Variants in HERC4 observed in about 807,000 individuals in gnomAD.
The protein encoded by HERC4 is HECT and RLD domain containing E3 ubiquitin protein ligase 4.
In HERC4, 28 loss-of-function variants were observed where a neutral mutation model predicts 124.3. The ratio of observed to expected loss-of-function variants is 0.23; its 90% CI spans 0.17 to 0.31. HERC4 has a LOEUF of 0.31. Among genes scored for constraint, HERC4 ranks in the 10% least tolerant of loss-of-function variants. The probability of loss-of-function intolerance (pLI) is 1.00; values close to 1 mark genes in which losing one functional copy is unlikely to be tolerated. For synonymous variants in HERC4, 407 were observed against 421.5 expected (o/e 0.97, Z 0.42); for missense variants, 713 against 1,229.3 (o/e 0.58, Z 6.28).
intron 16 of HERC4, chr10:67,959,150 G>A: frequency 1.3e-6 from 2 of 1,584,186 alleles, no homozygotes; most frequent in African/African-American, 1.4e-5. Context: ...AGACAGCAGT[G>A]CAGAATATAA....
chr10:67,948,980 G>A (rs1298678596), intron 19 of HERC4, among the ~76,000 whole-genome samples: 5 of 148,414 alleles, frequency 3.4e-5, no homozygotes, highest in Admixed American at 6.7e-5. Context: ...TTGGCCAGGC[G>A]CGGTGGCTCA....
intron 4 of HERC4, among the ~76,000 whole-genome samples, chr10:68,039,171 T>C (rs1320645629): frequency 1.4e-5 from 2 of 142,034 alleles, no homozygotes; most frequent in Admixed American, 6.9e-5. Flanking sequence ...AAAAAAAAAA[T>C]TAGCAGGTGT....
At chr10:68,034,441 T>A (rs1390677239) in intron 5 of HERC4, among the ~76,000 whole-genome samples, 1 of 152,170 alleles carries the variant, frequency 6.6e-6, no homozygotes, top group Non-Finnish European at 1.5e-5. Context: ...GTGAATCACA[T>A]AACAAGGAAT....
At chr10:67,934,603 C>T (rs1051020364) in intron 22 of HERC4, among the ~76,000 whole-genome samples, 1 of 151,872 alleles carries the variant, frequency 6.6e-6, no homozygotes, top group African/African-American at 2.4e-5. Context: ...AAAAAGGCAT[C>T]AGAAGTAAAC....
chr10:67,928,007 C>A (rs1213798019), intron 23 of HERC4, among the ~76,000 whole-genome samples: 4 of 152,032 alleles, frequency 2.6e-5, no homozygotes, highest in Non-Finnish European at 5.9e-5. Flanking sequence ...GATCAGTTAT[C>A]CAGGGAAGGT....
chr10:68,057,469 C>G (rs1419240005), intron 3 of HERC4, among the ~76,000 whole-genome samples: 3 of 151,642 alleles, frequency 2.0e-5, no homozygotes, highest in African/African-American at 7.3e-5. Flanking sequence ...GCTAAAAATA[C>G]AAAAATTAGC....
intron 15 of HERC4, among the ~76,000 whole-genome samples, chr10:67,973,861 A>G (rs761517354): frequency 6.6e-6 from 1 of 152,000 alleles, no homozygotes; most frequent in Non-Finnish European, 1.5e-5. Flanking sequence ...AGACCATTCA[A>G]CATGGTGAAA....
chr10:68,050,679 A>G (rs2040251002), intron 3 of HERC4, among the ~76,000 whole-genome samples: 1 of 152,100 alleles, frequency 6.6e-6, no homozygotes, highest in Non-Finnish European at 1.5e-5. Flanking sequence ...AAAGTTATCT[A>G]TTTTTTTCCA....
At chr10:67,946,410 C>T (rs1051061130) in intron 19 of HERC4, among the ~76,000 whole-genome samples, 4 of 144,928 alleles carry the variant, frequency 2.8e-5, no homozygotes, top group East Asian at 2.0e-4. Flanking sequence ...ACCCAATGAT[C>T]TGCTGCCTAG....
Position 68,013,306 on chromosome 10 carries a change from G to C in HERC4, c.1069+720C>G, listed in dbSNP as rs1051237466. On this transcript the variant is annotated intron_variant, in intron 9 of 24. Coordinates refer to ENST00000373700, the MANE Select transcript of HERC4 (RefSeq NM_015601.4). ...AAAATTTTGTGATTTGCTTTATTACGATATTTGCTTTATTGCACTATTTGC... is the reference window on the plus strand; with the variant it reads ...AAAATTTTGTGATTTGCTTTATTACCATATTTGCTTTATTGCACTATTTGC... Among the ~76,000 whole-genome samples the C allele has an allele frequency of 2.0e-5, 3 of 152,068 alleles. No individual in the cohort carries two copies. The East Asian group carries it at 5.8e-4, about 29-fold the overall frequency.
intron 16 of HERC4, among the ~76,000 whole-genome samples, chr10:67,963,229 T>A (rs538763514): frequency 7.3e-4 from 111 of 152,314 alleles, no homozygotes; most frequent in Non-Finnish European, 7.2e-4. Flanking sequence ...TATTTATTTA[T>A]TTTTTGAGAT....
intron 19 of HERC4, among the ~76,000 whole-genome samples, chr10:67,949,174 C>T (rs1325052735): frequency 6.6e-6 from 1 of 151,924 alleles, no homozygotes; most frequent in African/African-American, 2.4e-5. Context: ...GTCCCAGCTA[C>T]TTGGGAGGCT....
chr10:68,038,957 T>G (rs1372055174), intron 4 of HERC4, among the ~76,000 whole-genome samples: 1 of 152,034 alleles, frequency 6.6e-6, no homozygotes, highest in Non-Finnish European at 1.5e-5. Flanking sequence ...GTTCTTTCCC[T>G]TTGCCTGGTC....
chr10:67,956,495 C>T (rs1379673787), intron 17 of HERC4: 12 of 154,064 alleles, frequency 7.8e-5, no homozygotes, highest in South Asian at 2.0e-4. Context: ...CTTTTAACAT[C>T]TCTCACCTCT....
chr10:67,985,684 C>T (rs1041915720), intron 15 of HERC4, among the ~76,000 whole-genome samples: 5 of 152,210 alleles, frequency 3.3e-5, no homozygotes, highest in African/African-American at 9.6e-5. Context: ...TCGGAAACTA[C>T]TAAATAACCC....
intron 13 of HERC4, 30 bp from the exon 14 acceptor site, chr10:67,990,430 T>A: frequency 4.3e-6 from 5 of 1,163,542 alleles, no homozygotes; most frequent in Non-Finnish European, 5.7e-6. Flanking sequence ...AAAACCTACT[T>A]CATTTAAAAT....
chr10:68,035,419 G>A (rs1279575448), intron 5 of HERC4, among the ~76,000 whole-genome samples: 1 of 152,140 alleles, frequency 6.6e-6, no homozygotes, highest in African/African-American at 2.4e-5. Flanking sequence ...GCCTCCCAAA[G>A]TGCTAAGATT....
intron 19 of HERC4, among the ~76,000 whole-genome samples, chr10:67,942,072 C>T (rs2032958638): frequency 6.6e-6 from 1 of 152,162 alleles, no homozygotes; most frequent in Non-Finnish European, 1.5e-5. Flanking sequence ...ACACTACTGA[C>T]ACACTGAAAA....
chr10:68,058,715 A>G (rs2040678901), intron 3 of HERC4, among the ~76,000 whole-genome samples: 1 of 152,056 alleles, frequency 6.6e-6, no homozygotes, highest in African/African-American at 2.4e-5. Context: ...CTACTCTAGG[A>G]GTTTGGCATG....
Sources: gnomAD v4.1 joint callset for allele counts (sites outside exome capture counted in the v4.1 genomes callset) on GRCh38, gnomAD v4.1.1 for gene constraint, MANE v1.5 for transcripts, NCBI Gene and HGNC (gene_info 2026-07-23, HGNC 2026-07-21) for gene names.